MTA2: variants seen among roughly 807,000 people sequenced by gnomAD.
MTA2 encodes metastasis associated 1 family member 2, also known as metastasis-associated protein MTA2.
A neutral mutation model predicts 87.1 loss-of-function variants in MTA2; 22 were observed. The observed-to-expected ratio is 0.25, with a 90% CI of 0.18 to 0.36. MTA2 has a LOEUF of 0.36. Ranked by LOEUF, MTA2 falls within the 10% of genes least tolerant of loss-of-function variation. MTA2 has a pLI of 1.00. For missense variants in MTA2, 542 were observed against 853.2 expected, an observed-to-expected ratio of 0.64 and a Z score of 4.54; for synonymous variants, 314 against 310.1, an observed-to-expected ratio of 1.01 and a Z score of -0.13.
intron 8 of MTA2, among the ~76,000 whole-genome samples, 195 bp downstream of exon 8, chr11:62,597,121 G>A (rs1034461860): frequency 1.3e-5 from 2 of 151,924 alleles, no homozygotes; most frequent in African/African-American, 2.4e-5. Flanking sequence ...CCCGGGAGGC[G>A]GAGCTTGCAG....
chr11:62,595,289 G>A lies in MTA2; in HGVS notation c.1458C>T (p.Ile486=). 3 of 1,614,180 alleles carry A rather than the reference G, an allele frequency of 1.9e-6. No homozygotes were observed. Among genetic ancestry groups the A allele is most frequent in the Non-Finnish European group, 2.5e-6 (3 of 1,180,022 alleles). ...ACTCTGCTTTGATGGCATTGGCATT[G>A]ATAGGAGCATAAGGCCGTCGGGCGG... ...RRAARRPYAP[I]NANAIKAECS... Residue 486 remains isoleucine (I), a synonymous_variant, in exon 14 of 18, where the codon ATC becomes ATT. Transcript: ENST00000278823. This position sits in a 1 kb window ranked among gnomAD's most constrained non-coding sequence, Gnocchi z 4.9.
chr11:62,597,236 A>ATGAGGG, intron 8 of MTA2, 80 bp downstream of exon 8: 1 of 948,496 alleles, frequency 1.1e-6, no homozygotes, highest in Non-Finnish European at 1.6e-6. Flanking sequence ...TCCCTCAGAG[A>ATGAGGG]TACCCTCCTC....
intron 1 of MTA2, chr11:62,600,939 T>C (rs1942179862): frequency 3.9e-6 from 2 of 516,018 alleles, no homozygotes; most frequent in Non-Finnish European, 6.9e-6. Context: ...GAAGCAGGGG[T>C]TCCCCTGCAG....
intron 1 of MTA2, chr11:62,601,116 T>G: frequency 9.0e-5 from 44 of 487,414 alleles, no homozygotes; most frequent in East Asian, 1.6e-4. Context: ...GCCCCTCGCG[T>G]TCCCTCCCTA....
At position 62,593,624 on chromosome 11, in the gene MTA2, C is replaced by T. The variant is rs1378178606; in HGVS notation, c.*251G>A. The T allele has an allele frequency of 4.3e-6, 2 of 461,932 alleles. No homozygotes were observed. The highest frequency in any genetic ancestry group is 7.7e-6 in the Non-Finnish European group (2 of 258,686). The allele number at this position is 461,932 out of a possible 1,614,324, so 28.6% of individuals were successfully genotyped here. ...TGTCCAAGACATCTGTGGGTCCTACCCCCCAAAACAGGCTAGGTTCCCACA... is the reference window on the plus strand; with the variant it reads ...TGTCCAAGACATCTGTGGGTCCTACTCCCCAAAACAGGCTAGGTTCCCACA... On this transcript the variant is annotated 3_prime_UTR_variant, in exon 18 of 18. Coordinates refer to ENST00000278823, the MANE Select transcript of MTA2 (RefSeq NM_004739.4).
Position 62,595,208 on chromosome 11 carries a change from T to A in MTA2, c.1483+56A>T. On this transcript the variant is annotated intron_variant, in intron 14 of 17. Transcript: ENST00000278823. The surrounding 1 kb of genome is among the most constrained non-coding windows in gnomAD (Gnocchi z 4.9). ...TATTAGACATCCAGAGAAACAACGG[T>A]CTCTGGGCAGAGCAATCCGAAACCC... The A allele has an allele frequency of 8.3e-6, 13 of 1,574,994 alleles. No homozygotes were observed. The highest frequency in any genetic ancestry group is 1.0e-5 in the Non-Finnish European group (12 of 1,146,784).
At chr11:62,601,100 G>A (rs1433986294) in intron 1 of MTA2, 1 of 507,456 alleles carries the variant, frequency 2.0e-6, no homozygotes, top group Non-Finnish European at 3.4e-6. Context: ...CAAAGCCGTC[G>A]CCCCAGCCCC....
Position 62,598,657 on chromosome 11 carries a change from A to G in MTA2, c.191-18T>C, listed in dbSNP as rs766987202. 10 of 1,606,260 alleles carry G rather than the reference A, an allele frequency of 6.2e-6. No individual in the cohort carries two copies. The South Asian group carries it at 9.9e-5, about 16-fold the overall frequency. ...AAACTCCCCTGGGAGATTAAAGAGGAAGAAACCAAGTCAGAAATGGATCCA... is the reference window on the plus strand; with the variant it reads ...AAACTCCCCTGGGAGATTAAAGAGGGAGAAACCAAGTCAGAAATGGATCCA... On this transcript the variant is annotated intron_variant, in intron 3 of 17. Transcript: ENST00000278823.
intron 16 of MTA2, 32 bp downstream of exon 16, chr11:62,594,484 T>G: frequency 6.2e-7 from 1 of 1,611,862 alleles, no homozygotes; most frequent in Non-Finnish European, 8.5e-7. Context: ...CCCACCCAAC[T>G]CAATCTGGCC....
chr11:62,594,549 C>T lies in MTA2; in HGVS notation c.1659G>A (p.Leu553=). 6.2e-7 allele frequency: 1 copy of T among 1,614,220 alleles called. No homozygotes were observed. The highest frequency in any genetic ancestry group is 8.5e-7 in the Non-Finnish European group (1 of 1,180,044). The change falls in exon 16 of 18, where the codon CTG becomes CTA. Residue 553 remains leucine, a synonymous_variant. Coordinates refer to ENST00000278823, the MANE Select transcript of MTA2 (RefSeq NM_004739.4). ...NRNQLSQNRG[L]GGIMVKRAYE... Reference sequence around the variant, plus strand: ...AGGCCCGTTTCACCATAATGCCCCCCAGTCCCCGGTTCTGGGACAGCTGGT... The same window carrying T: ...AGGCCCGTTTCACCATAATGCCCCCTAGTCCCCGGTTCTGGGACAGCTGGT...
intron 4 of MTA2, 34 bp from the exon 5 acceptor site, chr11:62,598,424 C>A (rs772353513): frequency 9.3e-6 from 15 of 1,609,910 alleles, no homozygotes; most frequent in Non-Finnish European, 1.3e-5. Flanking sequence ...CCCGGTGAGC[C>A]CCACTCTCCC....
intron 6 of MTA2, 93 bp downstream of exon 6, chr11:62,597,931 C>A: frequency 8.3e-7 from 1 of 1,210,466 alleles, no homozygotes; most frequent in Non-Finnish European, 1.2e-6. Flanking sequence ...CACTGCACAA[C>A]CCCAGGTGAC....
chr11:62,594,948 C>G, intron 15 of MTA2, 33 bp downstream of exon 15: 1 of 1,592,710 alleles, frequency 6.3e-7, no homozygotes, highest in Non-Finnish European at 8.6e-7. Flanking sequence ...GACTGGGAGC[C>G]TGATGCCAAC....
Position 62,593,678 on chromosome 11 carries a change from A to G in MTA2, c.*197T>C. 1 of 627,670 alleles carries G rather than the reference A, an allele frequency of 1.6e-6. No individual in the cohort carries two copies. Among genetic ancestry groups the G allele is most frequent in the South Asian group, 2.0e-5 (1 of 49,558 alleles). 38.9% of individuals were successfully genotyped at this position (627,670 alleles called of 1,614,324 possible). A position where few individuals can be genotyped will look rare whatever the true frequency, so the allele number is the denominator to read the frequency against. On this transcript the variant is annotated 3_prime_UTR_variant, in exon 18 of 18. Coordinates refer to ENST00000278823, the MANE Select transcript of MTA2 (RefSeq NM_004739.4). Reference sequence around the variant, plus strand: ...GCCAAGTTCCTGCAGTCTGTCCTCCATCGGCAAGCATGGAGGCATGAGACA... The same window carrying G: ...GCCAAGTTCCTGCAGTCTGTCCTCCGTCGGCAAGCATGGAGGCATGAGACA...
intron 5 of MTA2, 45 bp downstream of exon 5, chr11:62,598,282 G>T: frequency 6.3e-7 from 1 of 1,596,482 alleles, no homozygotes; most frequent in Admixed American, 1.7e-5. Flanking sequence ...TCTTTTGCGG[G>T]CAATACCCAT....
intron 15 of MTA2, 92 bp downstream of exon 15, chr11:62,594,889 C>T: frequency 8.6e-7 from 1 of 1,159,832 alleles, no homozygotes; most frequent in Non-Finnish European, 1.3e-6. Flanking sequence ...TCTCTGAGGA[C>T]ACTATGAGGA....
chr11:62,597,876 A>G, intron 6 of MTA2, 148 bp downstream of exon 6: 1 of 984,248 alleles, frequency 1.0e-6, no homozygotes. Flanking sequence ...AGGTTCCTAC[A>G]GGCCCATTCT....
chr11:62,601,037 G>A, intron 1 of MTA2: 1 of 490,892 alleles, frequency 2.0e-6, no homozygotes, highest in Non-Finnish European at 3.6e-6. Context: ...TCGAATCGAG[G>A]CGCACAATAA....
chr11:62,593,952 C>A lies in MTA2; in HGVS notation c.1930G>T (p.Ala644Ser), dbSNP rs767107439. ...LPLKVKPTLIAVRPPVPLPAP... is the reference protein window; with the variant it reads ...LPLKVKPTLISVRPPVPLPAP... ...GGTAGAGGGACAGGGGGCCGCACTG[C>A]AATCAGCGTTGGCTTCACCTTCAGG... The change falls in exon 18 of 18, where the codon GCA (alanine) becomes TCA (serine). Residue 644 changes from alanine (A) to serine (S), a missense_variant. Physicochemically the swap from Ala to Ser is moderately conservative, Grantham distance 99. Around this residue, in one of 6 missense-constraint regions of MTA2, gnomAD observed 269 missense variants for 346.4 expected, o/e 0.78. Coordinates refer to ENST00000278823, the MANE Select transcript of MTA2 (RefSeq NM_004739.4). The A allele has an allele frequency of 6.2e-7, 1 of 1,614,192 alleles. No individual in the cohort carries two copies. Among genetic ancestry groups the A allele is most frequent in the Non-Finnish European group, 8.5e-7 (1 of 1,180,028 alleles).
Sources: allele counts gnomAD v4.1 joint callset (sites outside exome capture counted in the v4.1 genomes callset), GRCh38; gene constraint gnomAD v4.1.1; regional missense constraint gnomAD v4.1.1; non-coding constraint Gnocchi (gnomAD v3.1); transcripts MANE v1.5; gene names NCBI Gene and HGNC (gene_info 2026-07-23, HGNC 2026-07-21).